ATXN7: variants seen among roughly 807,000 people sequenced by gnomAD.
ATXN7 encodes ataxin-7.
ATXN7 carries 12 observed loss-of-function variants against 70.5 expected under a neutral mutation model. The observed-to-expected ratio is 0.17, with a 90% CI of 0.11 to 0.28. ATXN7 has a LOEUF of 0.28. Ranked by LOEUF, ATXN7 falls within the 10% of genes least tolerant of loss-of-function variation. The pLI, the probability that ATXN7 is intolerant of heterozygous loss-of-function variation, is 1.00. For synonymous variants in ATXN7, 498 were observed against 448.7 expected (o/e 1.11, Z -1.39); for missense variants, 1,256 against 1,131.7 (o/e 1.11, Z -1.58).
intron 5 of ATXN7, among the ~76,000 whole-genome samples, chr3:63,958,682 A>G (rs2075075594): frequency 6.6e-6 from 1 of 152,176 alleles, no homozygotes; most frequent in Admixed American, 6.6e-5. Context: ...TCTCTTAAGT[A>G]TGCTAAATTT....
intron 4 of ATXN7, among the ~76,000 whole-genome samples, chr3:63,935,876 A>G (rs1334378420): frequency 1.3e-5 from 2 of 152,138 alleles, no homozygotes; most frequent in Non-Finnish European, 2.9e-5. Context: ...TAATGTCCAG[A>G]TGCTGGGGAT....
intron 4 of ATXN7, among the ~76,000 whole-genome samples, chr3:63,949,630 T>A (rs898071951): frequency 6.6e-6 from 1 of 152,178 alleles, no homozygotes; most frequent in African/African-American, 2.4e-5. Flanking sequence ...ACTCCTGACC[T>A]CGGGTAATCC....
chr3:63,934,187 C>T (rs2107347797), intron 4 of ATXN7, among the ~76,000 whole-genome samples: 2 of 152,298 alleles, frequency 1.3e-5, no homozygotes, highest in East Asian at 3.9e-4. Flanking sequence ...TGTGTCCTGT[C>T]CTTTCATACT....
intron 2 of ATXN7, among the ~76,000 whole-genome samples, chr3:63,908,325 T>C (rs146362060): frequency 0.023 from 3,452 of 152,274 alleles, 70 homozygotes; most frequent in South Asian, 0.078. Context: ...GCATGCCCCT[T>C]GTGCAGAATA....
chr3:63,970,974 A>G (rs577107585), intron 5 of ATXN7, among the ~76,000 whole-genome samples: 3 of 152,194 alleles, frequency 2.0e-5, no homozygotes, highest in Non-Finnish European at 2.9e-5. Context: ...CAAGTGGCCC[A>G]AGTGCTATAA....
At chr3:63,892,467 T>TCACACACA (rs60819300) in intron 1 of ATXN7, among the ~76,000 whole-genome samples, 2 of 131,702 alleles carry the variant, frequency 1.5e-5, no homozygotes, top group African/African-American at 2.9e-5. Context: ...TATCGCTCCT[T>TCACACACA]CACACACACA....
At chr3:63,973,870 T>C (rs1196831984) in intron 5 of ATXN7, among the ~76,000 whole-genome samples, 2 of 151,718 alleles carry the variant, frequency 1.3e-5, no homozygotes, top group Non-Finnish European at 2.9e-5. Context: ...TGCAAAAAAG[T>C]TTAAAGGGAA....
chr3:63,970,396 T>C (rs1468562933), intron 5 of ATXN7, among the ~76,000 whole-genome samples: 1 of 152,124 alleles, frequency 6.6e-6, no homozygotes, highest in Non-Finnish European at 1.5e-5. Flanking sequence ...AGACAAGCTG[T>C]TTTTTGAAAG....
chr3:63,919,595 CTA>C (rs1481561170), intron 4 of ATXN7, among the ~76,000 whole-genome samples: 2 of 151,860 alleles, frequency 1.3e-5, no homozygotes. Flanking sequence ...TTATCATTCA[CTA>C]TCTTTTTTTT....
chr3:63,914,233 T>C (rs1161956590), intron 4 of ATXN7, among the ~76,000 whole-genome samples: 1 of 152,222 alleles, frequency 6.6e-6, no homozygotes, highest in African/African-American at 2.4e-5. Context: ...AGTTTGCCCA[T>C]TGTTACTGTC....
At chr3:63,880,983 C>T (rs1383353244) in intron 1 of ATXN7, among the ~76,000 whole-genome samples, 1 of 152,182 alleles carries the variant, frequency 6.6e-6, no homozygotes, top group African/African-American at 2.4e-5. Context: ...CCCTACTACT[C>T]ACCAGTTGTG....
chr3:63,980,252 T>A, intron 6 of ATXN7, 85 bp downstream of exon 6: 2 of 1,522,584 alleles, frequency 1.3e-6, no homozygotes, highest in Non-Finnish European at 1.8e-6. Context: ...TGCCTGTGAG[T>A]AATATAAAAG....
intron 1 of ATXN7, among the ~76,000 whole-genome samples, chr3:63,874,095 C>G (rs1034207058): frequency 6.6e-6 from 1 of 152,174 alleles, no homozygotes; most frequent in Non-Finnish European, 1.5e-5. Context: ...ACTCTAAATG[C>G]AATACTACAT....
At chr3:63,962,558 C>G (rs1215243652) in intron 5 of ATXN7, among the ~76,000 whole-genome samples, 1 of 152,002 alleles carries the variant, frequency 6.6e-6, no homozygotes, top group African/African-American at 2.4e-5. Context: ...GCATGCACCA[C>G]CACACCCAGC....
At chr3:63,993,507 C>T (rs1343364390) in intron 11 of ATXN7, among the ~76,000 whole-genome samples, 1 of 151,714 alleles carries the variant, frequency 6.6e-6, no homozygotes, top group Non-Finnish European at 1.5e-5. Context: ...ACCGAGTCCT[C>T]CTGTCTCCTA....
At chr3:63,984,330 A>G (rs1425480209) in intron 8 of ATXN7, among the ~76,000 whole-genome samples, 2 of 152,120 alleles carry the variant, frequency 1.3e-5, no homozygotes, top group Non-Finnish European at 2.9e-5. Flanking sequence ...TTGGATTTCT[A>G]GGTTAAAAAC....
intron 2 of ATXN7, among the ~76,000 whole-genome samples, chr3:63,910,795 A>C (rs779754362): frequency 1.3e-5 from 2 of 152,194 alleles, no homozygotes; most frequent in Non-Finnish European, 2.9e-5. Context: ...AAAATTTTAC[A>C]GACTTATTTC....
At chr3:63,903,679 ATAT>A (rs1224778740) in intron 2 of ATXN7, 1 of 152,154 alleles carries the variant, frequency 6.6e-6, no homozygotes, top group Non-Finnish European at 1.5e-5. Context: ...GATGAGGTAG[ATAT>A]TATTGTTATC....
chr3:63,908,047 T>A (rs1175686955), intron 2 of ATXN7, among the ~76,000 whole-genome samples: 1 of 152,090 alleles, frequency 6.6e-6, no homozygotes, highest in Non-Finnish European at 1.5e-5. Context: ...AATTTAAGGG[T>A]TTGAGATGTT....
Sources: allele counts gnomAD v4.1 joint callset (sites outside exome capture counted in the v4.1 genomes callset), GRCh38; gene constraint gnomAD v4.1.1; transcripts MANE v1.5; gene names NCBI Gene and HGNC (gene_info 2026-07-23, HGNC 2026-07-21).